ZNF185: variants seen among roughly 807,000 people sequenced by gnomAD.
ZNF185 encodes zinc finger protein 185.
Under a neutral mutation model 58.6 loss-of-function variants are expected in ZNF185, and 56 were observed. The ratio of observed to expected loss-of-function variants is 0.95; its 90% CI spans 0.77 to 1.19. The LOEUF (loss-of-function observed/expected upper bound fraction) is 1.19, where lower values mean the gene tolerates loss of function less well. ZNF185 is among the 50% of genes most tolerant of loss of function. ZNF185 has a pLI of 0.00. For missense variants in ZNF185, 627 were observed against 573.5 expected, an observed-to-expected ratio of 1.09 and a Z score of -0.95; for synonymous variants, 230 against 215.9, an observed-to-expected ratio of 1.07 and a Z score of -0.57.
intron 12 of ZNF185, 131 bp from the exon 14 acceptor site, chrX:152,931,541 A>G: frequency 2.0e-6 from 1 of 499,924 alleles, no homozygotes; most frequent in Non-Finnish European, 3.3e-6. Context: ...TATAGGCGTG[A>G]GCCACTGCAC....
At chrX:152,924,712 G>A (rs1940489997) in intron 11 of ZNF185, among the ~76,000 whole-genome samples, 1 of 111,941 alleles carries the variant, frequency 8.9e-6, no homozygotes, top group Admixed American at 9.4e-5. Flanking sequence ...ATGGAGTCTC[G>A]CTCTGTCGCC....
intron 20 of ZNF185, among the ~76,000 whole-genome samples, chrX:152,968,963 TGAG>T (rs35779953): frequency 3.0e-4 from 33 of 110,674 alleles, no homozygotes; most frequent in Non-Finnish European, 5.3e-4. Context: ...GGCCCAGGCG[TGAG>T]GAGAAGGGCC....
chrX:152,935,908 A>G (rs2046225559), intron 14 of ZNF185, among the ~76,000 whole-genome samples: 1 of 111,951 alleles, frequency 8.9e-6, no homozygotes, highest in Non-Finnish European at 1.9e-5. Flanking sequence ...CTCCACCCTG[A>G]GAAGGTTGGG....
Position 152,970,553 on chromosome X carries a change from C to T in ZNF185, c.*12C>T, listed in dbSNP as rs781844329. On this transcript the variant is annotated intron_variant, in intron 22 of 22. Coordinates refer to ENST00000449285, the Ensembl canonical transcript of ZNF185. ...AGAAGCTCTTCTAGGTGGGTGCTGG[C>T]ACTGCAAAGGACAAGTGGCCAAGAG... The T allele has an allele frequency of 2.4e-5, 29 of 1,197,536 alleles. No homozygotes were observed. Among genetic ancestry groups the T allele is most frequent in the African/African-American group, 3.5e-5 (2 of 56,677 alleles).
intron 21 of ZNF185, 141 bp from the exon 24 acceptor site, chrX:152,970,302 T>C: frequency 2.1e-6 from 1 of 466,184 alleles, no homozygotes; most frequent in African/African-American, 2.4e-5. Context: ...TATTTTGTGA[T>C]GTTTGCAAGT....
intron 3 of ZNF185, among the ~76,000 whole-genome samples, chrX:152,915,860 C>A (rs736654): frequency 0.028 from 3,169 of 112,281 alleles, 54 homozygotes; most frequent in Non-Finnish European, 0.047. Context: ...TCGCTCCTTG[C>A]TCCAAACAGC....
upstream of ZNF185, chrX:152,914,358 TG>T (rs1266709420): frequency 1.0e-5 from 6 of 589,275 alleles, no homozygotes; most frequent in Non-Finnish European, 1.6e-5. Flanking sequence ...GCAGTCTGGA[TG>T]ATCTTGGTGT....
At chrX:152,922,337 C>T (rs1701932643) in intron 10 of ZNF185, 81 bp downstream of exon 11, 5 of 944,567 alleles carry the variant, frequency 5.3e-6, no homozygotes, top group South Asian at 4.5e-5. Flanking sequence ...TCAGTCAGGG[C>T]ACCTCCATGC....
intron 3 of ZNF185, among the ~76,000 whole-genome samples, chrX:152,915,474 C>T (rs1938257642): frequency 8.9e-6 from 1 of 112,713 alleles, no homozygotes; most frequent in Admixed American, 9.3e-5. Flanking sequence ...GCTGGGCCTC[C>T]GTGGCTCCAG....
At chrX:152,913,215 G>T (rs547799025), upstream of ZNF185, among the ~76,000 whole-genome samples, 5 of 112,347 alleles carry the variant, frequency 4.5e-5, no homozygotes, top group African/African-American at 1.6e-4. Context: ...AGGCTCTTCT[G>T]CTTTGTGACT....
At position 152,920,423 on chromosome X, in the gene ZNF185, C is replaced by G; in HGVS notation, c.614+12C>G. 2 of 1,203,355 alleles carry G rather than the reference C, an allele frequency of 1.7e-6. No homozygotes were observed. Among genetic ancestry groups the G allele is most frequent in the Non-Finnish European group, 2.2e-6 (2 of 889,064 alleles). On this transcript the variant is annotated intron_variant, in intron 8 of 22. Coordinates refer to ENST00000449285, the Ensembl canonical transcript of ZNF185. ...AAGAAGAGCACTGGGTGAGTTGCCA[C>G]CAACTGGCTCCAGGCTCTAGGACAG... is the stretch of plus-strand genomic sequence containing the variant.
chrX:152,908,258 G>A, the ZNF185 span, among the ~76,000 whole-genome samples: 1 of 112,587 alleles, frequency 8.9e-6, no homozygotes, highest in Non-Finnish European at 1.9e-5. Flanking sequence ...GCCTGAGTTC[G>A]CAGAGGAAGA....
chrX:152,933,034 C>G (rs2045882031), intron 14 of ZNF185, 63 bp downstream of exon 15: 9 of 877,244 alleles, frequency 1.0e-5, no homozygotes, highest in Non-Finnish European at 1.3e-5. Context: ...GTCAAGCTGC[C>G]AGGCTGCTTG....
chrX:152,898,127 G>GCCCCGCGCCCCGCGCCCCGCT, the ZNF185 span, among the ~76,000 whole-genome samples: 24 of 109,331 alleles, frequency 2.2e-4, no homozygotes, highest in African/African-American at 7.8e-4. Flanking sequence ...CGCGCCCCGC[G>GCCCCGCGCCCCGCGCCCCGCT]CCTGCCTCCC....
chrX:152,903,968 G>T, the ZNF185 span, among the ~76,000 whole-genome samples: 1 of 112,025 alleles, frequency 8.9e-6, no homozygotes, highest in African/African-American at 3.2e-5. Context: ...GTGGGATGGG[G>T]AGAGGTGAAA....
the ZNF185 span, among the ~76,000 whole-genome samples, chrX:152,908,569 A>G: frequency 6.2e-5 from 7 of 112,354 alleles, no homozygotes; most frequent in Non-Finnish European, 1.3e-4. Flanking sequence ...CTGTGGCTGC[A>G]TCAGGCCGAG....
At position 152,930,058 on chromosome X, in the gene ZNF185, C is replaced by G. The variant is rs191327126; in HGVS notation, c.917+1397C>G. Among the ~76,000 whole-genome samples the G allele has an allele frequency of 6.2e-5, 7 of 112,658 alleles. No individual in the cohort carries two copies. In the East Asian group the frequency reaches 2.0e-3, roughly 32 times the overall value. On this transcript the variant is annotated intron_variant, in intron 12 of 22. Coordinates refer to ENST00000449285, the Ensembl canonical transcript of ZNF185. ...TTCTGCATGGATGTAGATACAATCA[C>G]TATGCCCATTTTACAGATTAAGAAA...
At chrX:152,904,183 G>A in the ZNF185 span, among the ~76,000 whole-genome samples, 4 of 112,139 alleles carry the variant, frequency 3.6e-5, no homozygotes, top group Non-Finnish European at 7.5e-5. Flanking sequence ...TCCCAGGCAG[G>A]TCGTGCACTC....
chrX:152,913,453 C>T (rs1322658352), upstream of ZNF185, among the ~76,000 whole-genome samples: 1 of 112,619 alleles, frequency 8.9e-6, no homozygotes, highest in East Asian at 2.8e-4. Flanking sequence ...CAGCACTGGG[C>T]TCAAGGGCAG....
Sources: allele counts gnomAD v4.1 joint callset (sites outside exome capture counted in the v4.1 genomes callset), GRCh38; gene constraint gnomAD v4.1.1; transcripts MANE v1.5; gene names NCBI Gene and HGNC (gene_info 2026-07-23, HGNC 2026-07-21).